POLR3B: variants seen among roughly 807,000 people sequenced by gnomAD.
POLR3B encodes the protein RNA polymerase III subunit B.
POLR3B carries 96 observed loss-of-function variants against 147.4 expected under a neutral mutation model. The ratio of observed to expected loss-of-function variants is 0.65; its 90% CI spans 0.55 to 0.77. The LOEUF (loss-of-function observed/expected upper bound fraction) is 0.77, where lower values mean the gene tolerates loss of function less well. Among genes scored for constraint, POLR3B ranks in the 30% least tolerant of loss-of-function variants. POLR3B has a pLI of 0.00. For missense variants in POLR3B, 1,036 were observed against 1,413.5 expected, an observed-to-expected ratio of 0.73 and a Z score of 4.28; for synonymous variants, 461 against 485.9, an observed-to-expected ratio of 0.95 and a Z score of 0.67.
At chr12:106,459,832 C>A (rs2037912173) in intron 22 of POLR3B, among the ~76,000 whole-genome samples, 2 of 152,288 alleles carry the variant, frequency 1.3e-5, no homozygotes, top group Middle Eastern at 3.4e-3. Context: ...ATGAGTAAAG[C>A]ATTTAAATTC....
intron 23 of POLR3B, among the ~76,000 whole-genome samples, chr12:106,491,885 G>A (rs1272910624): frequency 6.6e-6 from 1 of 151,916 alleles, no homozygotes; most frequent in Admixed American, 6.6e-5. Context: ...ACCTCAGAGG[G>A]GTAAATTTAA....
intron 10 of POLR3B, among the ~76,000 whole-genome samples, chr12:106,405,197 C>A (rs2037133684): frequency 6.6e-6 from 1 of 152,090 alleles, no homozygotes; most frequent in Non-Finnish European, 1.5e-5. Context: ...TTCGCTACTC[C>A]AGGTCCTTTG....
chr12:106,372,702 A>G (rs571714478), intron 6 of POLR3B, among the ~76,000 whole-genome samples: 2 of 152,226 alleles, frequency 1.3e-5, no homozygotes, highest in East Asian at 1.9e-4. Context: ...AACTGTAGAC[A>G]TTATTTTTTC....
intron 12 of POLR3B, among the ~76,000 whole-genome samples, chr12:106,423,701 C>T (rs2037399900): frequency 6.6e-6 from 1 of 152,102 alleles, no homozygotes; most frequent in African/African-American, 2.4e-5. Context: ...TGGTTGAGGG[C>T]GGATCTTCCT....
At chr12:106,397,632 A>G (rs1233321025) in intron 10 of POLR3B, among the ~76,000 whole-genome samples, 1 of 152,204 alleles carries the variant, frequency 6.6e-6, no homozygotes, top group Non-Finnish European at 1.5e-5. Context: ...TCTAAGATTC[A>G]TCCAAGTTAT....
intron 19 of POLR3B, 57 bp downstream of exon 19, chr12:106,444,647 G>A: frequency 6.4e-7 from 1 of 1,565,112 alleles, no homozygotes; most frequent in Non-Finnish European, 8.8e-7. Context: ...TTTGGAAAAA[G>A]CCTTACATCT....
At chr12:106,472,967 G>A (rs1346662332) in intron 23 of POLR3B, among the ~76,000 whole-genome samples, 1 of 125,854 alleles carries the variant, frequency 7.9e-6, no homozygotes, top group Non-Finnish European at 1.6e-5. Context: ...GTAATGCCTA[G>A]GTTTTCTTCT....
intron 1 of POLR3B, among the ~76,000 whole-genome samples, chr12:106,363,515 T>G (rs1282619497): frequency 6.6e-6 from 1 of 152,184 alleles, no homozygotes; most frequent in Non-Finnish European, 1.5e-5. Flanking sequence ...TCCCTTTGGG[T>G]CTTGAGACCC....
At chr12:106,434,071 C>CA (rs780967390) in intron 16 of POLR3B, among the ~76,000 whole-genome samples, 199 bp downstream of exon 16, 90 of 152,244 alleles carry the variant, frequency 5.9e-4, no homozygotes, top group Non-Finnish European at 1.1e-3. Flanking sequence ...AGTCTGCCCT[C>CA]AGAGAGCTCA....
chr12:106,409,005 C>G (rs1416838337), intron 11 of POLR3B, among the ~76,000 whole-genome samples: 1 of 152,112 alleles, frequency 6.6e-6, no homozygotes, highest in Non-Finnish European at 1.5e-5. Flanking sequence ...CGTAAATATC[C>G]ATATTTATTT....
At chr12:106,364,803 C>T (rs904360984) in intron 2 of POLR3B, among the ~76,000 whole-genome samples, 6 of 152,162 alleles carry the variant, frequency 3.9e-5, no homozygotes, top group Non-Finnish European at 7.3e-5. Context: ...GCAACATGGA[C>T]GAATCTTGAA....
intron 11 of POLR3B, among the ~76,000 whole-genome samples, chr12:106,409,369 TTTCTTGAGGATGGACAAGAGCCTTTTC>T (rs2037192758): frequency 6.8e-6 from 1 of 147,092 alleles, no homozygotes; most frequent in African/African-American, 2.5e-5. Flanking sequence ...TTTTTTTTTT[TTTCTTGAGGATGGACAAGAGCCTTTTC>T]TTTTTAAAGA....
At chr12:106,385,355 G>A (rs1386761657) in intron 9 of POLR3B, among the ~76,000 whole-genome samples, 1 of 152,132 alleles carries the variant, frequency 6.6e-6, no homozygotes, top group Non-Finnish European at 1.5e-5. Flanking sequence ...AACCAGTTTA[G>A]TTGAAATGAA....
intron 6 of POLR3B, among the ~76,000 whole-genome samples, chr12:106,370,560 A>G (rs2036590513): frequency 6.6e-6 from 1 of 152,074 alleles, no homozygotes; most frequent in African/African-American, 2.4e-5. Context: ...CACTTAGAAA[A>G]ATAAGTAAGA....
At position 106,358,209 on chromosome 12, in the gene POLR3B, C is replaced by T. The variant is rs968548252; in HGVS notation, c.72+258C>T. 38 of 1,412,810 alleles carry T rather than the reference C, an allele frequency of 2.7e-5. No homozygotes were observed. The Admixed American group carries it at 5.3e-4, about 20-fold the overall frequency. 87.5% of individuals were successfully genotyped at this position (1,412,810 alleles called of 1,614,324 possible). ...CCCGCTGCTGGCTCTAGGGTTGGAGCTCTTCCAGCATAGGTGTGCGTGGGG... is the reference window on the plus strand; with the variant it reads ...CCCGCTGCTGGCTCTAGGGTTGGAGTTCTTCCAGCATAGGTGTGCGTGGGG... On this transcript the variant is annotated intron_variant, in intron 1 of 27. Transcript: ENST00000228347.
chr12:106,493,842 A>G (rs1329711265), intron 23 of POLR3B, among the ~76,000 whole-genome samples: 6 of 152,212 alleles, frequency 3.9e-5, no homozygotes, highest in Admixed American at 3.9e-4. Flanking sequence ...ACACAAAACA[A>G]ACAACACAGG....
intron 25 of POLR3B, among the ~76,000 whole-genome samples, chr12:106,498,878 G>A (rs973570956): frequency 4.6e-5 from 7 of 152,276 alleles, no homozygotes; most frequent in South Asian, 4.1e-4. Context: ...GAGCCACCAC[G>A]CCCTAAGGTT....
intron 13 of POLR3B, among the ~76,000 whole-genome samples, 194 bp from the exon 14 acceptor site, chr12:106,430,079 C>A (rs2037487466): frequency 1.3e-5 from 2 of 152,168 alleles, no homozygotes; most frequent in African/African-American, 4.8e-5. Context: ...TGTTCATTAT[C>A]TTCCTAGAAA....
chr12:106,402,421 A>G (rs1193892204), intron 10 of POLR3B, among the ~76,000 whole-genome samples: 1 of 152,204 alleles, frequency 6.6e-6, no homozygotes, highest in Non-Finnish European at 1.5e-5. Context: ...ATCCCCATCA[A>G]GCTACCAGTG....
Sources: gnomAD v4.1 joint callset for allele counts (sites outside exome capture counted in the v4.1 genomes callset) on GRCh38, gnomAD v4.1.1 for gene constraint, MANE v1.5 for transcripts, NCBI Gene and HGNC (gene_info 2026-07-23, HGNC 2026-07-21) for gene names.